The following GRAMD1B variants were observed in gnomAD, a reference collection of about 807,000 sequenced individuals.
The protein encoded by GRAMD1B is GRAM domain containing 1B.
Under a neutral mutation model 99.7 loss-of-function variants are expected in GRAMD1B, and 37 were observed. The ratio of observed to expected loss-of-function variants is 0.37; its 90% confidence interval spans 0.29 to 0.49. The LOEUF (loss-of-function observed/expected upper bound fraction) is 0.49, where lower values mean the gene tolerates loss of function less well. GRAMD1B is among the 20% of genes least tolerant of loss of function. The pLI is 0.98. For missense variants in GRAMD1B, 888 were observed against 1,009.2 expected (o/e 0.88, Z 1.63); for synonymous variants, 427 against 387.6 (o/e 1.10, Z -1.19).
At chr11:123,622,183 G>A (rs1169374567) in intron 19 of GRAMD1B, among the ~76,000 whole-genome samples, 2 of 152,008 alleles carry the variant, frequency 1.3e-5, no homozygotes, top group South Asian at 2.1e-4. Context: ...ACAAAGCCTG[G>A]CTATAATTTT....
intron 2 of GRAMD1B, among the ~76,000 whole-genome samples, chr11:123,531,590 G>A (rs1943378361): frequency 6.6e-6 from 1 of 152,100 alleles, no homozygotes; most frequent in South Asian, 2.1e-4. Flanking sequence ...ATTATTGCTG[G>A]AAGAGACGGT....
chr11:123,451,272 C>T (rs766895816), intron 1 of GRAMD1B, among the ~76,000 whole-genome samples: 22 of 152,318 alleles, frequency 1.4e-4, no homozygotes, highest in African/African-American at 2.9e-4. Context: ...CAGTGACAAG[C>T]GTATGGCATG....
At chr11:123,585,246 G>A (rs1949950113) in intron 4 of GRAMD1B, among the ~76,000 whole-genome samples, 2 of 152,246 alleles carry the variant, frequency 1.3e-5, no homozygotes, top group African/African-American at 2.4e-5. Context: ...CAGAGCTGAG[G>A]AGGGTACTCT....
intron 1 of GRAMD1B, among the ~76,000 whole-genome samples, chr11:123,368,961 C>T (rs1219458254): frequency 6.6e-6 from 1 of 150,950 alleles, no homozygotes; most frequent in Non-Finnish European, 1.5e-5. Flanking sequence ...GATGGAATGA[C>T]AACTTACAGG....
At chr11:123,455,565 G>A (rs1950078724) in intron 1 of GRAMD1B, among the ~76,000 whole-genome samples, 1 of 152,106 alleles carries the variant, frequency 6.6e-6, no homozygotes, top group East Asian at 1.9e-4. Context: ...ATGCAATACG[G>A]CATAGTTTGC....
At chr11:123,371,697 C>A (rs1946534487) in intron 1 of GRAMD1B, among the ~76,000 whole-genome samples, 1 of 152,182 alleles carries the variant, frequency 6.6e-6, no homozygotes, top group Non-Finnish European at 1.5e-5. Context: ...ATAGGATGAA[C>A]CTGCTGAGGC....
chr11:123,517,960 T>A (rs546679552), intron 2 of GRAMD1B, among the ~76,000 whole-genome samples: 2 of 152,240 alleles, frequency 1.3e-5, no homozygotes, highest in South Asian at 4.1e-4. Context: ...CCTAACACCA[T>A]CAGTCACCCT....
chr11:123,620,623 GC>G (rs1184001680), intron 19 of GRAMD1B, among the ~76,000 whole-genome samples: 1 of 152,054 alleles, frequency 6.6e-6, no homozygotes, highest in African/African-American at 2.4e-5. Flanking sequence ...GAGTTTAGAA[GC>G]CCTACCCTTT....
intron 2 of GRAMD1B, among the ~76,000 whole-genome samples, chr11:123,502,774 C>CAAAAAAAAAA (rs34321315): frequency 4.1e-5 from 4 of 98,504 alleles, no homozygotes; most frequent in African/African-American, 7.8e-5. Context: ...GACTCCATCT[C>CAAAAAAAAAA]AAAAAAAAAA....
chr11:123,441,479 C>A (rs557016991), intron 1 of GRAMD1B, among the ~76,000 whole-genome samples: 1 of 152,126 alleles, frequency 6.6e-6, no homozygotes, highest in East Asian at 1.9e-4. Flanking sequence ...ATCTCTACAA[C>A]AAATTTAAAA....
At chr11:123,390,630 T>A (rs1947244083) in intron 1 of GRAMD1B, among the ~76,000 whole-genome samples, 1 of 152,264 alleles carries the variant, frequency 6.6e-6, no homozygotes, top group Non-Finnish European at 1.5e-5. Context: ...ATAGAATATA[T>A]GTCAAATACA....
intron 1 of GRAMD1B, among the ~76,000 whole-genome samples, chr11:123,473,624 A>G (rs1012548933): frequency 6.6e-6 from 1 of 152,128 alleles, no homozygotes; most frequent in Non-Finnish European, 1.5e-5. Flanking sequence ...AGCTAGGAAG[A>G]TATTTAGCTG....
chr11:123,530,351 A>G (rs547107619), intron 2 of GRAMD1B, among the ~76,000 whole-genome samples: 1 of 152,132 alleles, frequency 6.6e-6, no homozygotes, highest in South Asian at 2.1e-4. Context: ...GCCTGGACCA[A>G]ATTATCTATT....
intron 1 of GRAMD1B, among the ~76,000 whole-genome samples, chr11:123,455,529 C>T (rs868559062): frequency 1.4e-4 from 22 of 152,176 alleles, no homozygotes; most frequent in Admixed American, 7.9e-4. Flanking sequence ...TCATCCTCTA[C>T]TTGCTATCGA....
intron 11 of GRAMD1B, 45 bp from the exon 12 acceptor site, chr11:123,608,614 C>G: frequency 6.4e-7 from 1 of 1,563,312 alleles, no homozygotes. Context: ...GGCCCCCTCC[C>G]CCTCCGCTGT....
At chr11:123,442,545 G>GTTCAA (rs1449828540) in intron 1 of GRAMD1B, among the ~76,000 whole-genome samples, 1 of 152,202 alleles carries the variant, frequency 6.6e-6, no homozygotes, top group Non-Finnish European at 1.5e-5. Flanking sequence ...CAAGGTGGGA[G>GTTCAA]GATCACTTGA....
In GRAMD1B at chr11:123,567,909, G is replaced by T. The variant is rs905955293; in HGVS notation, c.453-9458G>T. 3.3e-5 allele frequency among the ~76,000 whole-genome samples: 5 copies of T among 152,180 alleles called. 1 individual carries two copies. Among genetic ancestry groups the T allele is most frequent in the Admixed American group, 3.3e-4 (5 of 15,274 alleles). On this transcript the variant is annotated intron_variant, in intron 2 of 19. Coordinates refer to ENST00000635736, the MANE Select transcript of GRAMD1B (RefSeq NM_001387025.1). ...TCGCCAAAAACTTTCCGTGAACTTT[G>T]CCCTTATGTTAATTAGTCAATTAAT... is the stretch of plus-strand genomic sequence containing the variant.
intron 4 of GRAMD1B, 76 bp from the exon 5 acceptor site, chr11:123,594,006 G>A: frequency 2.1e-6 from 2 of 971,510 alleles, no homozygotes; most frequent in Non-Finnish European, 3.3e-6. Context: ...ACAAGCAAGT[G>A]CTCCTCATCT....
At chr11:123,593,298 T>C (rs981544031) in intron 4 of GRAMD1B, among the ~76,000 whole-genome samples, 1 of 152,182 alleles carries the variant, frequency 6.6e-6, no homozygotes, top group African/African-American at 2.4e-5. Context: ...GATTTCTGTG[T>C]ATTCAGCTGG....
Sources: allele counts gnomAD v4.1 joint callset (sites outside exome capture counted in the v4.1 genomes callset), GRCh38; gene constraint gnomAD v4.1.1; transcripts MANE v1.5; gene names NCBI Gene and HGNC (gene_info 2026-07-23, HGNC 2026-07-21).